ASAP2: variants seen among roughly 807,000 people sequenced by gnomAD.
ASAP2 encodes ArfGAP with SH3 domain, ankyrin repeat and PH domain 2.
Under a neutral mutation model 131.4 loss-of-function variants are expected in ASAP2, and 45 were observed. The observed-to-expected ratio is 0.34, with a 90% CI of 0.27 to 0.44. The LOEUF (loss-of-function observed/expected upper bound fraction) is 0.44, where lower values mean the gene tolerates loss of function less well. ASAP2 is among the 20% of genes least tolerant of loss of function. ASAP2 has a pLI of 1.00. For missense variants in ASAP2, 1,011 were observed against 1,297.0 expected (o/e 0.78, Z 3.39); for synonymous variants, 510 against 503.0 (o/e 1.01, Z -0.19).
chr2:9,317,081 CCA>C (rs768816073), intron 3 of ASAP2, among the ~76,000 whole-genome samples: 126 of 131,380 alleles, frequency 9.6e-4, no homozygotes, highest in African/African-American at 2.5e-3. Flanking sequence ...AAAATCACAT[CCA>C]CACACACACT....
At chr2:9,341,874 G>C (rs1671603521) in intron 9 of ASAP2, among the ~76,000 whole-genome samples, 1 of 152,176 alleles carries the variant, frequency 6.6e-6, no homozygotes, top group Admixed American at 6.5e-5. Context: ...CAAGTGCTGT[G>C]TGAACTTTCT....
chr2:9,382,876 G>A (rs1674972945), intron 20 of ASAP2, among the ~76,000 whole-genome samples: 2 of 152,234 alleles, frequency 1.3e-5, no homozygotes, highest in Non-Finnish European at 2.9e-5. Context: ...CCCAATTCAT[G>A]AGACAGTGTG....
At position 9,217,239 on chromosome 2, in the gene ASAP2, T is replaced by C. The variant is rs1352931465; in HGVS notation, c.126+10009T>C. Reference sequence around the variant, plus strand: ...AGTTGCAGCTATTGCATTGCTCGAGTGGGTGCTTCTGGCAAATCCTTGTTG... The same window carrying C: ...AGTTGCAGCTATTGCATTGCTCGAGCGGGTGCTTCTGGCAAATCCTTGTTG... On this transcript the variant is annotated intron_variant, in intron 1 of 27. Coordinates refer to ENST00000281419, the MANE Select transcript of ASAP2 (RefSeq NM_003887.3). The surrounding 1 kb of genome is among the most constrained non-coding windows in gnomAD (Gnocchi z 4.0). Among the ~76,000 whole-genome samples the C allele has an allele frequency of 6.6e-6, 1 of 152,126 alleles. No homozygotes were observed. Among genetic ancestry groups the C allele is most frequent in the Non-Finnish European group, 1.5e-5 (1 of 68,032 alleles).
chr2:9,346,728 G>C (rs1247076396), intron 11 of ASAP2, among the ~76,000 whole-genome samples: 2 of 152,176 alleles, frequency 1.3e-5, no homozygotes, highest in South Asian at 4.1e-4. Flanking sequence ...TGAAGTCAAG[G>C]GGCATATTTG....
intron 1 of ASAP2, among the ~76,000 whole-genome samples, chr2:9,277,180 C>A (rs1178826588): frequency 6.6e-6 from 1 of 152,178 alleles, no homozygotes; most frequent in Non-Finnish European, 1.5e-5. Context: ...TGAACTGGCA[C>A]CTCTATGTGT....
rs1226460419 is a variant in ASAP2, at chr2:9,385,362, T to C, written c.2130+4T>C. ...CGACATGGATGAGAAATTGCAGGTC[T>C]GTGCCAGGTTGCTAACCATTAAGAG... On this transcript the variant is annotated splice_donor_region_variant and intron_variant, in intron 21 of 27. Coordinates refer to ENST00000281419, the MANE Select transcript of ASAP2 (RefSeq NM_003887.3). 1 of 1,606,652 alleles carries C rather than the reference T, an allele frequency of 6.2e-7. No homozygotes were observed. The highest frequency in any genetic ancestry group is 8.5e-7 in the Non-Finnish European group (1 of 1,173,080).
chr2:9,225,768 G>A (rs140589866), intron 1 of ASAP2, among the ~76,000 whole-genome samples: 6 of 152,272 alleles, frequency 3.9e-5, no homozygotes, highest in African/African-American at 1.4e-4. Flanking sequence ...GGAAGTGGTT[G>A]TAGGGGTCTG....
intron 18 of ASAP2, 55 bp downstream of exon 18, chr2:9,377,048 A>G: frequency 6.7e-7 from 1 of 1,481,990 alleles, no homozygotes; most frequent in East Asian, 2.3e-5. Flanking sequence ...ATTTCTGGGG[A>G]AGGAATCGGA....
intron 4 of ASAP2, among the ~76,000 whole-genome samples, 184 bp downstream of exon 4, chr2:9,318,782 C>T (rs1489241363): frequency 6.6e-6 from 1 of 152,220 alleles, no homozygotes; most frequent in African/African-American, 2.4e-5. Flanking sequence ...GTGGTGACTT[C>T]TGGCCTTTCT....
At chr2:9,326,675 C>T (rs1670500650) in intron 6 of ASAP2, among the ~76,000 whole-genome samples, 1 of 152,164 alleles carries the variant, frequency 6.6e-6, no homozygotes, top group Non-Finnish European at 1.5e-5. Flanking sequence ...AGATCTTTCG[C>T]TGCTGATGCT....
intron 1 of ASAP2, among the ~76,000 whole-genome samples, chr2:9,259,452 T>C (rs1665422493): frequency 6.6e-6 from 1 of 152,164 alleles, no homozygotes; most frequent in African/African-American, 2.4e-5. Context: ...GGGGTGCCCC[T>C]CTCTGCAGGC....
intron 1 of ASAP2, among the ~76,000 whole-genome samples, chr2:9,273,194 AT>A (rs200163597): frequency 6.6e-6 from 1 of 151,786 alleles, no homozygotes; most frequent in African/African-American, 2.4e-5. Context: ...GAATATCTTC[AT>A]TTTTTTTGGT....
At chr2:9,403,074 A>T (rs1328716561) in intron 27 of ASAP2, among the ~76,000 whole-genome samples, 179 bp from the exon 28 acceptor site, 1 of 152,172 alleles carries the variant, frequency 6.6e-6, no homozygotes, top group Non-Finnish European at 1.5e-5. Context: ...GCACTATTTG[A>T]AATGTGGTGA....
intron 3 of ASAP2, among the ~76,000 whole-genome samples, chr2:9,300,508 A>G (rs948436661): frequency 6.6e-6 from 1 of 152,198 alleles, no homozygotes; most frequent in South Asian, 2.1e-4. Context: ...TTCACATATC[A>G]CTGCAGGTCC....
chr2:9,351,382 C>T (rs954246904), intron 12 of ASAP2, among the ~76,000 whole-genome samples: 1 of 152,238 alleles, frequency 6.6e-6, no homozygotes, highest in Non-Finnish European at 1.5e-5. Flanking sequence ...CTTCTCTGTG[C>T]TTTTCCTTTT....
chr2:9,400,638 C>A, intron 25 of ASAP2, 104 bp from the exon 26 acceptor site: 1 of 1,058,364 alleles, frequency 9.4e-7, no homozygotes, highest in Non-Finnish European at 1.5e-6. Flanking sequence ...ATCGGAACAC[C>A]TGGGGAAACC....
At chr2:9,318,127 A>C (rs538717739) in intron 3 of ASAP2, among the ~76,000 whole-genome samples, 1 of 152,154 alleles carries the variant, frequency 6.6e-6, no homozygotes, top group Non-Finnish European at 1.5e-5. Context: ...CAGAGCACCA[A>C]CCCCAGTACA....
chr2:9,394,891 G>C (rs1192149475), intron 24 of ASAP2, among the ~76,000 whole-genome samples: 2 of 152,198 alleles, frequency 1.3e-5, no homozygotes, highest in Admixed American at 1.3e-4. Flanking sequence ...TGACTCGTTG[G>C]CTGGGGGTTA....
At chr2:9,329,419 G>C (rs879866103) in intron 7 of ASAP2, among the ~76,000 whole-genome samples, 3 of 152,154 alleles carry the variant, frequency 2.0e-5, no homozygotes, top group Non-Finnish European at 4.4e-5. Flanking sequence ...TTGCCTTCAC[G>C]GACCCTGGGG....
Sources: allele counts gnomAD v4.1 joint callset (sites outside exome capture counted in the v4.1 genomes callset), GRCh38; gene constraint gnomAD v4.1.1; non-coding constraint Gnocchi (gnomAD v3.1); transcripts MANE v1.5; gene names NCBI Gene and HGNC (gene_info 2026-07-23, HGNC 2026-07-21).